The following HERC5 variants were observed in gnomAD, a reference collection of about 807,000 sequenced individuals.
HERC5 encodes HECT and RLD domain containing E3 ubiquitin protein ligase 5, also known as E3 ISG15--protein ligase HERC5.
HERC5 carries 99 observed loss-of-function variants against 119.6 expected under a neutral mutation model. The observed-to-expected ratio is 0.83, with a 90% CI of 0.70 to 0.98. The LOEUF is 0.98. Ranked by LOEUF, HERC5 falls within the 50% of genes least tolerant of loss-of-function variation. The probability of loss-of-function intolerance (pLI) is 0.00; values close to 1 mark genes in which losing one functional copy is unlikely to be tolerated. For missense variants in HERC5, 1,267 were observed against 1,241.3 expected (o/e 1.02, Z -0.31); for synonymous variants, 478 against 445.9 (o/e 1.07, Z -0.91).
At chr4:88,497,307 C>A (rs1309160031) in intron 18 of HERC5, among the ~76,000 whole-genome samples, 1 of 152,120 alleles carries the variant, frequency 6.6e-6, no homozygotes, top group Non-Finnish European at 1.5e-5. Context: ...GAGGAGACCT[C>A]TAGAGAAAGC....
Position 88,505,886 on chromosome 4 carries a change from G to A in HERC5, c.*8G>A. The A allele has an allele frequency of 8.1e-6, 13 of 1,595,602 alleles. No homozygotes were observed. Among genetic ancestry groups the A allele is most frequent in the Non-Finnish European group, 1.1e-5 (13 of 1,169,012 alleles). On this transcript the variant is annotated 3_prime_UTR_variant, in exon 23 of 23. Transcript: ENST00000264350. ...AACAGAGGATTTGGCTGACCAGCTT[G>A]CTTGTCCAACAGCCTTATTTTGTTG...
chr4:88,503,611 CT>C (rs1381406755), intron 20 of HERC5, among the ~76,000 whole-genome samples: 3 of 152,122 alleles, frequency 2.0e-5, no homozygotes, highest in African/African-American at 7.2e-5. Flanking sequence ...AGTAAATGTA[CT>C]TTTCTATCCT....
At chr4:88,472,539 C>A in intron 11 of HERC5, 37 bp downstream of exon 11, 2 of 1,164,808 alleles carry the variant, frequency 1.7e-6, no homozygotes, top group East Asian at 2.4e-5. Context: ...AGAAAATACA[C>A]CAGAATATTT....
chr4:88,489,153 T>C lies in HERC5; in HGVS notation c.1963-13T>C, dbSNP rs752836833. ...TAAAATGAAGTGTAATATTTCTGTTTCTGTTTTCCTAGAGTAAAAAACATA... is the reference window on the plus strand; with the variant it reads ...TAAAATGAAGTGTAATATTTCTGTTCCTGTTTTCCTAGAGTAAAAAACATA... On this transcript the variant is annotated splice_polypyrimidine_tract_variant and intron_variant, in intron 15 of 22. Coordinates refer to ENST00000264350, the MANE Select transcript of HERC5 (RefSeq NM_016323.4). The C allele has an allele frequency of 6.3e-7, 1 of 1,592,234 alleles. No individual in the cohort carries two copies. Among genetic ancestry groups the C allele is most frequent in the Non-Finnish European group, 8.5e-7 (1 of 1,171,910 alleles).
At chr4:88,457,561 G>GTGAGGGCTGTGAGGGGTGAGGGC in intron 1 of HERC5, 27 bp downstream of exon 1, 3 of 1,248,202 alleles carry the variant, frequency 2.4e-6, no homozygotes, top group Non-Finnish European at 3.0e-6. Flanking sequence ...TGTGAGGGCT[G>GTGAGGGCTGTGAGGGGTGAGGGC]TGAGGGCTGT....
chr4:88,467,230 T>C, intron 7 of HERC5, 26 bp downstream of exon 7: 1 of 1,598,392 alleles, frequency 6.3e-7, no homozygotes, highest in Non-Finnish European at 8.5e-7. Context: ...ACATAGGGTT[T>C]GGCATAGTAT....
At chr4:88,478,000 A>G (rs568150742) in intron 12 of HERC5, among the ~76,000 whole-genome samples, 2 of 152,374 alleles carry the variant, frequency 1.3e-5, no homozygotes, top group East Asian at 3.9e-4. Flanking sequence ...TGCACAAAGA[A>G]TGTGATTAAT....
rs776880796 is a variant in HERC5, at chr4:88,505,914, G to A, written c.*36G>A. The A allele has an allele frequency of 4.2e-5, 63 of 1,496,972 alleles. No individual in the cohort carries two copies. The highest frequency in any genetic ancestry group is 2.7e-6 in the Non-Finnish European group (3 of 1,091,660). The allele number at this position is 1,496,972 out of a possible 1,614,324, so 92.7% of individuals were successfully genotyped here. A position where few individuals can be genotyped will look rare whatever the true frequency, so the allele number is the denominator to read the frequency against. ...TGTCCAACAGCCTTATTTTGTTGTTGTTATCGTTGTTGTTGTTGTTGTTGT... is the reference window on the plus strand; with the variant it reads ...TGTCCAACAGCCTTATTTTGTTGTTATTATCGTTGTTGTTGTTGTTGTTGT... On this transcript the variant is annotated 3_prime_UTR_variant, in exon 23 of 23. Coordinates refer to ENST00000264350, the MANE Select transcript of HERC5 (RefSeq NM_016323.4).
chr4:88,492,617 A>G (rs192792262), intron 16 of HERC5, among the ~76,000 whole-genome samples: 61 of 151,840 alleles, frequency 4.0e-4, no homozygotes, highest in Non-Finnish European at 5.9e-5. Context: ...GTGGTGGTGC[A>G]TATCTGTAAT....
At chr4:88,466,841 T>C in intron 6 of HERC5, among the ~76,000 whole-genome samples, 1 of 152,178 alleles carries the variant, frequency 6.6e-6, no homozygotes, top group East Asian at 1.9e-4. Context: ...GGGAACACCA[T>C]TTGCCAAAGT....
At chr4:88,477,757 G>A (rs922016087) in intron 12 of HERC5, among the ~76,000 whole-genome samples, 10 of 152,150 alleles carry the variant, frequency 6.6e-5, no homozygotes, top group African/African-American at 2.4e-4. Context: ...AGTTTAATGG[G>A]ATTTTTGACA....
intron 20 of HERC5, among the ~76,000 whole-genome samples, chr4:88,503,863 G>A (rs1435507356): frequency 6.6e-6 from 1 of 152,098 alleles, no homozygotes; most frequent in Admixed American, 6.6e-5. Flanking sequence ...TCAGGAGTTT[G>A]AGAGCAGCCT....
At chr4:88,492,783 CCTGA>C (rs1177996363) in intron 16 of HERC5, among the ~76,000 whole-genome samples, 1 of 151,964 alleles carries the variant, frequency 6.6e-6, no homozygotes. Flanking sequence ...GGCTGCACCA[CCTGA>C]CTATTGTATA....
At chr4:88,499,774 G>A in intron 18 of HERC5, 152 bp from the exon 19 acceptor site, 3 of 529,086 alleles carry the variant, frequency 5.7e-6, no homozygotes, top group Non-Finnish European at 1.0e-5. Flanking sequence ...GTCTGGCCCT[G>A]TTTAGACTAT....
chr4:88,469,172 C>A lies in HERC5; in HGVS notation c.1150C>A (p.Leu384Met). 1 of 1,605,912 alleles carries A rather than the reference C, an allele frequency of 6.2e-7. No individual in the cohort carries two copies. Among genetic ancestry groups the A allele is most frequent in the Non-Finnish European group, 8.5e-7 (1 of 1,173,282 alleles). ...TTGTTTACAGAATTCATATGTTAAT[C>A]TGAAGAGGACAATTCCTACTCTGAA... ...WIKKENSYVN[L>M]KRTIPTLNEG... The change falls in exon 9 of 23, where the codon CTG becomes ATG. Residue 384 changes from leucine (L) to methionine (M), a missense_variant. Physicochemically the swap from Leu to Met is conservative, Grantham distance 15. Coordinates refer to ENST00000264350, the MANE Select transcript of HERC5 (RefSeq NM_016323.4).
chr4:88,459,546 T>C (rs1578461771), intron 2 of HERC5, 76 bp downstream of exon 2: 2 of 976,240 alleles, frequency 2.0e-6, no homozygotes, highest in Middle Eastern at 6.0e-4. Flanking sequence ...AAATATCTGA[T>C]TCTTGTCCCC....
chr4:88,504,689 C>T, intron 22 of HERC5, 92 bp downstream of exon 22: 1 of 647,230 alleles, frequency 1.5e-6, no homozygotes, highest in East Asian at 3.1e-5. Context: ...TGCAACAGAT[C>T]ATAGTGTCAG....
At position 88,457,253 on chromosome 4, in the gene HERC5, G is replaced by C. The variant is rs2149079671; in HGVS notation, c.-17G>C. ...TCTCTCCTCTCGCCTCTGGGCCTGG[G>C]ACCCCGCAAAGCGGCGATGGAGCGG... is the stretch of plus-strand genomic sequence containing the variant. On this transcript the variant is annotated 5_prime_UTR_variant, in exon 1 of 23. Transcript: ENST00000264350. 1 of 1,322,970 alleles carries C rather than the reference G, an allele frequency of 7.6e-7. No individual in the cohort carries two copies. Among genetic ancestry groups the C allele is most frequent in the Non-Finnish European group, 9.6e-7 (1 of 1,037,064 alleles). 82.0% of individuals were successfully genotyped at this position (1,322,970 alleles called of 1,614,324 possible). A position where few individuals can be genotyped will look rare whatever the true frequency, so the allele number is the denominator to read the frequency against.
At chr4:88,471,179 A>C (rs1011411012) in intron 10 of HERC5, among the ~76,000 whole-genome samples, 1 of 152,030 alleles carries the variant, frequency 6.6e-6, no homozygotes. Context: ...CATGTTGGCC[A>C]GGCTGGTCTC....
Sources: gnomAD v4.1 joint callset for allele counts (sites outside exome capture counted in the v4.1 genomes callset) on GRCh38, gnomAD v4.1.1 for gene constraint, MANE v1.5 for transcripts, NCBI Gene and HGNC (gene_info 2026-07-23, HGNC 2026-07-21) for gene names.